EXOSC10: variants seen among roughly 807,000 people sequenced by gnomAD.
The protein encoded by EXOSC10 is exosome component 10.
EXOSC10 carries 94 observed loss-of-function variants against 126.6 expected under a neutral mutation model. The ratio of observed to expected loss-of-function variants is 0.74; its 90% confidence interval spans 0.63 to 0.88. EXOSC10 has a LOEUF of 0.88. Ranked by LOEUF, EXOSC10 falls within the 40% of genes least tolerant of loss-of-function variation. EXOSC10 has a pLI of 0.00. For missense variants in EXOSC10, 1,041 were observed against 1,100.5 expected, an observed-to-expected ratio of 0.95 and a Z score of 0.77; for synonymous variants, 395 against 400.8, an observed-to-expected ratio of 0.99 and a Z score of 0.17.
At chr1:11,071,327 G>C (rs532043201) in intron 20 of EXOSC10, 16 of 279,788 alleles carry the variant, frequency 5.7e-5, no homozygotes, top group Non-Finnish European at 1.1e-4. Flanking sequence ...AGCAACTCCA[G>C]CTTTCCAGCT....
At chr1:11,066,807 G>C in intron 24 of EXOSC10, 59 bp from the exon 25 acceptor site, 5 of 1,588,760 alleles carry the variant, frequency 3.1e-6, no homozygotes, top group Non-Finnish European at 4.3e-6. Context: ...GTTCTCAGAT[G>C]GTTTACAAAA....
chr1:11,085,437 A>G (rs1640435694), intron 9 of EXOSC10, among the ~76,000 whole-genome samples: 1 of 152,178 alleles, frequency 6.6e-6, no homozygotes, highest in African/African-American at 2.4e-5. Flanking sequence ...TTATTGGTGT[A>G]TAAGAATGCT....
At chr1:11,069,108 G>A (rs1319346006) in intron 22 of EXOSC10, among the ~76,000 whole-genome samples, 2 of 152,092 alleles carry the variant, frequency 1.3e-5, no homozygotes, top group South Asian at 2.1e-4. Flanking sequence ...ATGTTGCTCC[G>A]AAGGCTGCTA....
At chr1:11,084,238 C>A (rs1640360435) in intron 9 of EXOSC10, among the ~76,000 whole-genome samples, 2 of 152,270 alleles carry the variant, frequency 1.3e-5, no homozygotes, top group African/African-American at 4.8e-5. Flanking sequence ...GTTTACAGTC[C>A]CACCAACAGT....
intron 9 of EXOSC10, among the ~76,000 whole-genome samples, chr1:11,084,581 T>C (rs1039526257): frequency 2.6e-5 from 4 of 152,248 alleles, no homozygotes. Flanking sequence ...GGTTGCCTGT[T>C]CACTCTGATG....
At position 11,097,213 on chromosome 1, in the gene EXOSC10, C is replaced by G. The variant is rs1391397226; in HGVS notation, c.248+807G>C. Among the ~76,000 whole-genome samples, 4 of 150,282 alleles carry G rather than the reference C, an allele frequency of 2.7e-5. No individual in the cohort carries two copies. The South Asian group carries it at 6.3e-4, about 24-fold the overall frequency. ...CGACAGAGCAAGACTCCGTACTCCC[C>G]CCCAACAAAAAAAAAAAAGCTGGTC... On this transcript the variant is annotated intron_variant, in intron 2 of 24. Transcript: ENST00000376936.
intron 24 of EXOSC10, among the ~76,000 whole-genome samples, chr1:11,067,533 G>A (rs145761901): frequency 0.011 from 1,727 of 152,066 alleles, 68 homozygotes; most frequent in South Asian, 0.068. Context: ...GAACCCAGGA[G>A]GTGGAGGTTG....
chr1:11,097,215 C>A lies in EXOSC10; in HGVS notation c.248+805G>T, dbSNP rs114624687. On this transcript the variant is annotated intron_variant, in intron 2 of 24. Transcript: ENST00000376936. Reference sequence around the variant, plus strand: ...ACAGAGCAAGACTCCGTACTCCCCCCCAACAAAAAAAAAAAAGCTGGTCGT... The same window carrying A: ...ACAGAGCAAGACTCCGTACTCCCCCACAACAAAAAAAAAAAAGCTGGTCGT... 7.9e-3 allele frequency among the ~76,000 whole-genome samples: 1,177 copies of A among 149,744 alleles called. 18 individuals are homozygous for A. The highest frequency in any genetic ancestry group is 0.027 in the African/African-American group (1,086 of 40,796).
rs1640234136 is a variant in EXOSC10 at position 11,082,669 on chromosome 1, T to G, written c.1280+19A>C. On this transcript the variant is annotated intron_variant, in intron 10 of 24. Transcript: ENST00000376936. The stretch of plus-strand genomic sequence containing the variant: ...ACTTTCTTCTGCCACCCACATTTCC[T>G]CAGTAAGAGCAAACTGACCGTATTC... 2.5e-6 allele frequency: 4 copies of G among 1,612,754 alleles called. No individual in the cohort carries two copies. In the East Asian group the frequency reaches 8.9e-5, roughly 36 times the overall value.
intron 9 of EXOSC10, among the ~76,000 whole-genome samples, chr1:11,084,950 T>A (rs530714325): frequency 6.6e-6 from 1 of 152,318 alleles, no homozygotes; most frequent in African/African-American, 2.4e-5. Context: ...ATATATGGCG[T>A]TATTTCTGAG....
In EXOSC10 at chr1:11,068,808, G is replaced by C. The variant is rs973379564; in HGVS notation, c.2489-102C>G. 7.8e-6 allele frequency: 7 copies of C among 895,926 alleles called. No homozygotes were observed. In the African/African-American group the frequency reaches 1.1e-4, roughly 15 times the overall value. The allele number at this position is 895,926 out of a possible 1,614,324, so 55.5% of individuals were successfully genotyped here. ...GGACCATGACACTCAGGGAAGCCTT[G>C]GCTGTGAGAGCACCCCTGTCACGAT... is the stretch of plus-strand genomic sequence containing the variant. On this transcript the variant is annotated intron_variant, in intron 22 of 24. Transcript: ENST00000376936.
intron 3 of EXOSC10, among the ~76,000 whole-genome samples, chr1:11,093,065 A>G (rs1163960406): frequency 6.6e-6 from 1 of 152,200 alleles, no homozygotes; most frequent in Non-Finnish European, 1.5e-5. Flanking sequence ...TCGCCTATAC[A>G]ATTTTTGTCA....
chr1:11,094,451 C>A (rs1477123033), intron 3 of EXOSC10, among the ~76,000 whole-genome samples: 2 of 149,222 alleles, frequency 1.3e-5, no homozygotes, highest in Non-Finnish European at 3.0e-5. Context: ...CCCACCACAA[C>A]ACTCAGCTAA....
rs70977543 is a variant in EXOSC10 at position 11,080,563 on chromosome 1, A to AACAC, written c.1587-18_1587-15dup. On this transcript the variant is annotated splice_polypyrimidine_tract_variant and intron_variant, in intron 12 of 24. Coordinates refer to ENST00000376936, the MANE Select transcript of EXOSC10 (RefSeq NM_001001998.3). ...GGCAGTACATATCTGGAAAAAAAAA[A>AACAC]ACACACACACACACACACACACACA... is the stretch of plus-strand genomic sequence containing the variant. The AACAC allele has an allele frequency of 3.4e-3, 4,793 of 1,418,776 alleles. 9 individuals are homozygous for AACAC. Among genetic ancestry groups the AACAC allele is most frequent in the Middle Eastern group, 7.0e-3 (30 of 4,260 alleles). 87.9% of individuals were successfully genotyped at this position (1,418,776 alleles called of 1,614,324 possible). A position where few individuals can be genotyped will look rare whatever the true frequency, so the allele number is the denominator to read the frequency against.
chr1:11,084,275 C>G (rs904350197), intron 9 of EXOSC10, among the ~76,000 whole-genome samples: 4 of 152,332 alleles, frequency 2.6e-5, no homozygotes, highest in African/African-American at 9.6e-5. Context: ...TTCTCCACAT[C>G]TTCTCCAGCA....
chr1:11,083,438 T>A (rs1640287379), intron 9 of EXOSC10, among the ~76,000 whole-genome samples: 1 of 151,902 alleles, frequency 6.6e-6, no homozygotes, highest in Non-Finnish European at 1.5e-5. Context: ...GGCGCATGCC[T>A]TTAACCCCAG....
In EXOSC10 at chr1:11,091,537, C is replaced by T. The variant is rs767073887; in HGVS notation, c.433G>A (p.Gly145Ser). ...NKNQQPVLPA[G>S]LQVPKTVVSS... ...ACTACCGTTTTGGGGACCTGCAAGC[C>T]GGCAGGGAGGACAGGCTGTTGATTC... The change falls in exon 4 of 25, where the codon GGC becomes AGC. Residue 145 changes from glycine (G) to serine (S), a missense_variant. Gly to Ser is a moderately conservative substitution (Grantham distance 56, BLOSUM62 0). This residue lies in a region of EXOSC10 where 645 missense variants were observed against 656.3 expected (regional missense o/e 0.98). Transcript: ENST00000376936. The T allele has an allele frequency of 1.3e-5, 21 of 1,614,032 alleles. No individual in the cohort carries two copies. The highest frequency in any genetic ancestry group is 2.2e-5 in the South Asian group (2 of 91,076).
chr1:11,069,688 G>A lies in EXOSC10; in HGVS notation c.2359C>T (p.Pro787Ser). Residue 787 changes from proline to serine, a missense_variant, in exon 22 of 25, where the codon CCA becomes TCA. Physicochemically the swap from Pro to Ser is moderately conservative, Grantham distance 74. Transcript: ENST00000376936. ...AKKRERATSDPRTTEQKQEKK... is the reference protein window; with the variant it reads ...AKKRERATSDSRTTEQKQEKK... ...TCTTGTTTCTGTTCTGTGGTCCTTG[G>A]GTCGCTTGTTGCTCGCTCTCTCTTC... 6.2e-7 allele frequency: 1 copy of A among 1,613,994 alleles called. No individual in the cohort carries two copies.
At position 11,082,762 on chromosome 1, in the gene EXOSC10, T is replaced by C. The variant is rs769201929; in HGVS notation, c.1206A>G (p.Ser402=). The change falls in exon 10 of 25, where the codon TCA becomes TCG. Residue 402 remains serine, a synonymous_variant. Transcript: ENST00000376936. ...AGTAGAGTTTCAGGAGATGATCGAG[T>C]GAGTGCCTGCCCAGGTTAAGAAGGC... is the stretch of plus-strand genomic sequence containing the variant. The part of the protein sequence containing the change: ...AARLLNLGRH[S]LDHLLKLYCN... The C allele has an allele frequency of 1.9e-6, 3 of 1,614,044 alleles. No individual in the cohort carries two copies. The highest frequency in any genetic ancestry group is 1.3e-5 in the African/African-American group (1 of 74,916).
Sources: allele counts gnomAD v4.1 joint callset (sites outside exome capture counted in the v4.1 genomes callset), GRCh38; gene constraint gnomAD v4.1.1; regional missense constraint gnomAD v4.1.1; transcripts MANE v1.5; gene names NCBI Gene and HGNC (gene_info 2026-07-23, HGNC 2026-07-21).